The following KIAA1210 variants were observed in gnomAD, a reference collection of about 807,000 sequenced individuals.
KIAA1210 encodes the protein KIAA1210.
Under a neutral mutation model 78.9 loss-of-function variants are expected in KIAA1210, and 48 were observed. That is an observed-to-expected ratio of 0.61 (90% CI 0.48 to 0.77). The LOEUF (loss-of-function observed/expected upper bound fraction) is 0.77, where lower values mean the gene tolerates loss of function less well. Ranked by LOEUF, KIAA1210 falls within the 30% of genes least tolerant of loss-of-function variation. The pLI is 0.00. For synonymous variants in KIAA1210, 406 were observed against 404.5 expected, an observed-to-expected ratio of 1.00 and a Z score of -0.04; for missense variants, 1,108 against 1,100.0, an observed-to-expected ratio of 1.01 and a Z score of -0.10.
intron 6 of KIAA1210, among the ~76,000 whole-genome samples, chrX:119,098,146 G>C (rs995418921): frequency 2.7e-5 from 3 of 111,157 alleles, no homozygotes; most frequent in Admixed American, 9.5e-5. Context: ...CACATTACCA[G>C]CCATTTCCTG....
chrX:119,100,328 T>TAAAAAAA (rs35969490), intron 6 of KIAA1210, among the ~76,000 whole-genome samples: 2 of 46,531 alleles, frequency 4.3e-5, no homozygotes, highest in African/African-American at 2.1e-4. Context: ...AGACTGTCTT[T>TAAAAAAA]AAAAAAAAAA....
intron 3 of KIAA1210, among the ~76,000 whole-genome samples, chrX:119,113,830 A>G (rs1025547400): frequency 8.9e-6 from 1 of 111,996 alleles, no homozygotes; most frequent in Non-Finnish European, 1.9e-5. Context: ...ATGCTACAAC[A>G]TGAATGACTC....
At position 119,088,975 on chromosome X, in the gene KIAA1210, G is replaced by A; in HGVS notation, c.1727C>T (p.Thr576Ile). 8.3e-7 allele frequency: 1 copy of A among 1,211,777 alleles called. No homozygotes were observed. The highest frequency in any genetic ancestry group is 1.1e-6 in the Non-Finnish European group (1 of 895,386). The change falls in exon 9 of 12, where the codon ACA (threonine) becomes ATA (isoleucine). Residue 576 changes from threonine to isoleucine, a missense_variant. This residue lies in a region of KIAA1210 where 672 missense variants were observed against 607.1 expected (regional missense o/e 1.11). Transcript: ENST00000691062. ...TASVLGMTSTTAKGDVYAKTL... is the reference protein window; with the variant it reads ...TASVLGMTSTIAKGDVYAKTL... ...CTTGGCATAAACATCTCCTTTGGCTGTAGTACTTGTCATACCCAAAACACT... is the reference window on the plus strand; with the variant it reads ...CTTGGCATAAACATCTCCTTTGGCTATAGTACTTGTCATACCCAAAACACT...
intron 3 of KIAA1210, among the ~76,000 whole-genome samples, chrX:119,113,831 T>G (rs1305224451): frequency 1.8e-5 from 2 of 111,522 alleles, no homozygotes; most frequent in African/African-American, 6.5e-5. Flanking sequence ...TGCTACAACA[T>G]GAATGACTCT....
chrX:119,118,192 G>A (rs1057256361), intron 2 of KIAA1210, among the ~76,000 whole-genome samples: 1 of 111,834 alleles, frequency 8.9e-6, no homozygotes, highest in African/African-American at 3.3e-5. Flanking sequence ...TGGTGTAATG[G>A]AAAGCACCAT....
intron 2 of KIAA1210, among the ~76,000 whole-genome samples, chrX:119,144,107 T>C (rs903902374): frequency 8.9e-6 from 1 of 112,258 alleles, no homozygotes; most frequent in African/African-American, 3.2e-5. Context: ...TTGGACCACA[T>C]GACTTGCTCC....
At chrX:119,109,556 A>G (rs913342813) in intron 3 of KIAA1210, among the ~76,000 whole-genome samples, 3 of 111,959 alleles carry the variant, frequency 2.7e-5, no homozygotes, top group Non-Finnish European at 3.8e-5. Flanking sequence ...ATGAGCATAT[A>G]TCCTTTTTAC....
At chrX:119,124,519 G>T (rs1391204743) in intron 1 of KIAA1210, among the ~76,000 whole-genome samples, 1 of 111,861 alleles carries the variant, frequency 8.9e-6, no homozygotes, top group East Asian at 2.8e-4. Context: ...TACTATTCAC[G>T]GGTGTGCCCA....
chrX:119,142,300 T>C (rs762512092), intron 2 of KIAA1210, among the ~76,000 whole-genome samples: 4 of 112,421 alleles, frequency 3.6e-5, no homozygotes, highest in Admixed American at 2.8e-4. Context: ...ACTAACTCAC[T>C]GTGTTTGTCC....
rs369421952 is a variant in KIAA1210 at position 119,087,112 on chromosome X, T to A, written c.3590A>T (p.Gln1197Leu). 1 of 1,210,113 alleles carries A rather than the reference T, an allele frequency of 8.3e-7. No homozygotes were observed. The highest frequency in any genetic ancestry group is 1.7e-5 in the African/African-American group (1 of 57,220). Reference protein sequence around the residue: ...KHLPSSSPFQQQVHSSSVNAA... With the variant: ...KHLPSSSPFQLQVHSSSVNAA... ...ATTCACAGAACTTGAATGAACCTGTTGCTGGAAAGGACTACTTGAAGGCAG... is the reference window on the plus strand; with the variant it reads ...ATTCACAGAACTTGAATGAACCTGTAGCTGGAAAGGACTACTTGAAGGCAG... Residue 1197 changes from glutamine to leucine, a missense_variant, in exon 9 of 12, where the codon CAA becomes CTA. Around this residue, in one of 5 missense-constraint regions of KIAA1210, gnomAD observed 245 missense variants for 278.8 expected, o/e 0.88. Transcript: ENST00000691062.
intron 2 of KIAA1210, among the ~76,000 whole-genome samples, chrX:119,136,010 G>A (rs1313107819): frequency 1.8e-5 from 2 of 110,553 alleles, no homozygotes; most frequent in South Asian, 3.9e-4. Flanking sequence ...CCGAGATTGC[G>A]CCACTGCACT....
chrX:119,141,136 C>T (rs1929041860), intron 2 of KIAA1210, among the ~76,000 whole-genome samples: 3 of 111,524 alleles, frequency 2.7e-5, no homozygotes, highest in Non-Finnish European at 5.7e-5. Flanking sequence ...TTCCTTTCTC[C>T]CATGGGCTCA....
At chrX:119,130,439 C>T (rs5957117), upstream of KIAA1210, among the ~76,000 whole-genome samples, 6,932 of 112,667 alleles carry the variant, frequency 0.062, 428 homozygotes, top group African/African-American at 0.19. Flanking sequence ...CAGACCTTTG[C>T]GCATACCTGT....
rs1233145191 is a variant in KIAA1210 at position 119,096,608 on chromosome X, C to T, written c.732G>A (p.Gln244=). The change falls in exon 7 of 12, where the codon CAG becomes CAA. Residue 244 remains glutamine, a synonymous_variant. Transcript: ENST00000691062. ...CTGGGGTGCTGAAACCAATGGGCAG[C>T]TGGGTGCTACTGGTAGAGGCAAGTG... The part of the protein sequence containing the change: ...FATLASTSST[Q]LPIGFSTPAT... 1 of 1,210,316 alleles carries T rather than the reference C, an allele frequency of 8.3e-7. No individual in the cohort carries two copies.
chrX:119,087,737 A>G lies in KIAA1210; in HGVS notation c.2965T>C (p.Ser989Pro). 8.3e-7 allele frequency: 1 copy of G among 1,211,515 alleles called. No individual in the cohort carries two copies. Among genetic ancestry groups the G allele is most frequent in the Non-Finnish European group, 1.1e-6 (1 of 895,388 alleles). ...PQYATQFLKR[S>P]KVQEMTSRLE... ...CGTGAGGTCATTTCCTGAACTTTAG[A>G]CCTCTTTAAGAACTGGGTAGCATAT... Residue 989 changes from serine to proline, a missense_variant, in exon 9 of 12, where the codon TCT becomes CCT. By Grantham distance (74) the Ser-to-Pro change is moderately conservative. Transcript: ENST00000691062.
chrX:119,094,238 C>T (rs980780782), intron 7 of KIAA1210: 3 of 416,649 alleles, frequency 7.2e-6, no homozygotes, highest in Non-Finnish European at 1.2e-5. Flanking sequence ...CATGAATTAT[C>T]TCTTTCCAGA....
At chrX:119,094,753 T>C (rs1569314618) in intron 7 of KIAA1210, among the ~76,000 whole-genome samples, 4 of 111,421 alleles carry the variant, frequency 3.6e-5, no homozygotes, top group African/African-American at 1.3e-4. Context: ...TTTATGTTCA[T>C]CCACATGTCA....
At chrX:119,123,534 A>G in intron 2 of KIAA1210, 48 bp downstream of exon 2, 1 of 960,537 alleles carries the variant, frequency 1.0e-6, no homozygotes, top group Non-Finnish European at 1.5e-6. Context: ...AAATAAACAC[A>G]GTAAACAAAT....
rs201621390 is a variant in KIAA1210, at chrX:119,087,589, C to T, written c.3113G>A (p.Gly1038Asp). 7.8e-5 allele frequency: 94 copies of T among 1,209,736 alleles called. No homozygotes were observed. The African/African-American group carries it at 1.4e-3, about 18-fold the overall frequency. ...IFSESSALKR[G>D]SDVAPLPPNL... ...GGGAGGCAGAGGTGCCACATCACTG[C>T]CCCTCTTAAGAGCAGAGCTCTCTGA... Residue 1038 changes from glycine to aspartate, a missense_variant, in exon 9 of 12, where the codon GGC becomes GAC. By Grantham distance (94) the Gly-to-Asp change is moderately conservative. Around this residue, in one of 5 missense-constraint regions of KIAA1210, gnomAD observed 179 missense variants for 174.1 expected, o/e 1.03. Transcript: ENST00000691062.
Sources: allele counts gnomAD v4.1 joint callset (sites outside exome capture counted in the v4.1 genomes callset), GRCh38; gene constraint gnomAD v4.1.1; regional missense constraint gnomAD v4.1.1; transcripts MANE v1.5; gene names NCBI Gene and HGNC (gene_info 2026-07-23, HGNC 2026-07-21).